SORCS2: variants seen among roughly 807,000 people sequenced by gnomAD.
SORCS2 encodes sortilin related VPS10 domain containing receptor 2.
Under a neutral mutation model 141.6 loss-of-function variants are expected in SORCS2, and 100 were observed. The ratio of observed to expected loss-of-function variants is 0.71; its 90% CI spans 0.60 to 0.83. The LOEUF (loss-of-function observed/expected upper bound fraction) is 0.83, where lower values mean the gene tolerates loss of function less well. SORCS2 is among the 40% of genes least tolerant of loss of function. SORCS2 has a pLI of 0.00. For missense variants in SORCS2, 1,646 were observed against 1,560.2 expected, an observed-to-expected ratio of 1.05 and a Z score of -0.93; for synonymous variants, 789 against 676.9, an observed-to-expected ratio of 1.17 and a Z score of -2.57.
At chr4:7,661,216 A>G (rs542658459) in intron 5 of SORCS2, among the ~76,000 whole-genome samples, 1 of 129,384 alleles carries the variant, frequency 7.7e-6, no homozygotes, top group East Asian at 3.2e-4. Context: ...AAGAAACCCA[A>G]CCCCCTCAGC....
At chr4:7,459,289 C>T (rs2109318041) in intron 2 of SORCS2, among the ~76,000 whole-genome samples, 1 of 152,212 alleles carries the variant, frequency 6.6e-6, no homozygotes, top group South Asian at 2.1e-4. Context: ...CTAAGTATTG[C>T]TATGGAGAAG....
At chr4:7,619,810 C>G (rs986227458) in intron 3 of SORCS2, among the ~76,000 whole-genome samples, 2 of 152,156 alleles carry the variant, frequency 1.3e-5, no homozygotes, top group Non-Finnish European at 2.9e-5. Flanking sequence ...GAAGGGACGG[C>G]CTTTAGGAGC....
At chr4:7,617,875 C>T (rs1186876198) in intron 3 of SORCS2, among the ~76,000 whole-genome samples, 2 of 152,114 alleles carry the variant, frequency 1.3e-5, no homozygotes, top group Non-Finnish European at 1.5e-5. Flanking sequence ...CTACCGGTGC[C>T]GCCCCAGCTC....
chr4:7,615,262 A>T (rs746673082), intron 3 of SORCS2, among the ~76,000 whole-genome samples: 3 of 152,226 alleles, frequency 2.0e-5, no homozygotes, highest in Non-Finnish European at 4.4e-5. Flanking sequence ...AGCAAGAGAG[A>T]CAAGACCCTC....
At chr4:7,379,400 A>G (rs1380622094) in intron 1 of SORCS2, among the ~76,000 whole-genome samples, 1 of 152,152 alleles carries the variant, frequency 6.6e-6, no homozygotes, top group Non-Finnish European at 1.5e-5. Context: ...TGGAAGCACG[A>G]GAGGCGTATT....
At chr4:7,495,866 G>C (rs1238652886) in intron 2 of SORCS2, among the ~76,000 whole-genome samples, 1 of 152,246 alleles carries the variant, frequency 6.6e-6, no homozygotes, top group Non-Finnish European at 1.5e-5. Context: ...ACCCAGGGAG[G>C]AGCTGAGGCC....
intron 3 of SORCS2, among the ~76,000 whole-genome samples, chr4:7,594,462 C>T (rs893401000): frequency 6.6e-6 from 1 of 152,218 alleles, no homozygotes; most frequent in African/African-American, 2.4e-5. Context: ...GGCTGGAAGC[C>T]CCGGGTGGGC....
intron 3 of SORCS2, among the ~76,000 whole-genome samples, chr4:7,587,496 G>A (rs1716614646): frequency 6.6e-6 from 1 of 152,210 alleles, no homozygotes; most frequent in South Asian, 2.1e-4. Flanking sequence ...TGTCATCAGG[G>A]TTGGAGATGA....
intron 2 of SORCS2, among the ~76,000 whole-genome samples, chr4:7,414,425 G>A (rs1222160127): frequency 6.6e-6 from 1 of 152,220 alleles, no homozygotes; most frequent in African/African-American, 2.4e-5. Context: ...AGTCTAGGCA[G>A]TGGGAGCCGC....
At chr4:7,566,062 T>TA (rs1714981785) in intron 3 of SORCS2, among the ~76,000 whole-genome samples, 1 of 148,630 alleles carries the variant, frequency 6.7e-6, no homozygotes, top group African/African-American at 2.5e-5. Flanking sequence ...GTGATGATGA[T>TA]GATGGTGATG....
At chr4:7,719,797 G>A (rs1726456485) in intron 18 of SORCS2, among the ~76,000 whole-genome samples, 1 of 152,202 alleles carries the variant, frequency 6.6e-6, no homozygotes, top group Admixed American at 6.5e-5. Flanking sequence ...CATCTGCGGA[G>A]TGTCTCTATG....
At chr4:7,362,004 G>T (rs1721612336) in intron 1 of SORCS2, among the ~76,000 whole-genome samples, 1 of 152,162 alleles carries the variant, frequency 6.6e-6, no homozygotes, top group South Asian at 2.1e-4. Flanking sequence ...TTGAGAGGTG[G>T]AGTAAAGTGG....
intron 2 of SORCS2, among the ~76,000 whole-genome samples, chr4:7,483,166 A>G (rs1730756844): frequency 6.6e-6 from 1 of 152,040 alleles, no homozygotes; most frequent in Admixed American, 6.5e-5. Flanking sequence ...TAAACAAAAT[A>G]CAAAAAATTA....
At chr4:7,277,647 A>G (rs762580780) in intron 1 of SORCS2, among the ~76,000 whole-genome samples, 1 of 133,246 alleles carries the variant, frequency 7.5e-6, no homozygotes, top group Non-Finnish European at 1.7e-5. Context: ...CTGTGCTCGG[A>G]ACACCACTCC....
intron 2 of SORCS2, among the ~76,000 whole-genome samples, chr4:7,421,979 C>A (rs1467543215): frequency 6.6e-6 from 1 of 151,674 alleles, no homozygotes; most frequent in Non-Finnish European, 1.5e-5. Flanking sequence ...CCCTTGTCGA[C>A]CCCCACCTCC....
chr4:7,403,961 G>GTATGTATATATATA (rs1724757831), intron 2 of SORCS2, among the ~76,000 whole-genome samples: 1 of 29,892 alleles, frequency 3.3e-5, no homozygotes, highest in African/African-American at 1.1e-4. Flanking sequence ...CTCCATGTGT[G>GTATGTATATATATA]TATATATATA....
chr4:7,484,472 G>T (rs930758939), intron 2 of SORCS2, among the ~76,000 whole-genome samples: 1 of 152,156 alleles, frequency 6.6e-6, no homozygotes, highest in Non-Finnish European at 1.5e-5. Context: ...AAGGAACGCT[G>T]TCCAGGGAAG....
chr4:7,502,357 A>T (rs190264536), intron 2 of SORCS2, among the ~76,000 whole-genome samples: 1 of 152,200 alleles, frequency 6.6e-6, no homozygotes, highest in South Asian at 2.1e-4. Flanking sequence ...GGTGGTCCCC[A>T]TGGGGCTGAT....
At chr4:7,224,467 C>T (rs865870672) in intron 1 of SORCS2, among the ~76,000 whole-genome samples, 7 of 132,558 alleles carry the variant, frequency 5.3e-5, no homozygotes, top group Admixed American at 2.2e-4. Flanking sequence ...TCAGAAACCT[C>T]GCCATCTGGC....
Sources: gnomAD v4.1 joint callset for allele counts (sites outside exome capture counted in the v4.1 genomes callset) on GRCh38, gnomAD v4.1.1 for gene constraint, MANE v1.5 for transcripts, NCBI Gene and HGNC (gene_info 2026-07-23, HGNC 2026-07-21) for gene names.